CLUL1: variants seen among roughly 807,000 people sequenced by gnomAD.
The protein encoded by CLUL1 is clusterin like 1, also known as clusterin-like protein 1.
A neutral mutation model predicts 49.4 loss-of-function variants in CLUL1; 43 were observed. The ratio of observed to expected loss-of-function variants is 0.87; its 90% CI spans 0.68 to 1.12. The LOEUF is 1.12. Ranked by LOEUF, CLUL1 falls within the 50% of genes most tolerant of loss-of-function variation. The pLI is 0.00. For missense variants in CLUL1, 486 were observed against 544.4 expected (o/e 0.89, Z 1.07); for synonymous variants, 192 against 184.9 (o/e 1.04, Z -0.31).
chr18:641,028 A>T (rs1456428189), intron 7 of CLUL1, among the ~76,000 whole-genome samples: 1 of 152,152 alleles, frequency 6.6e-6, no homozygotes, highest in Non-Finnish European at 1.5e-5. Flanking sequence ...TAGGGACTTC[A>T]TCTGTTTTGG....
At chr18:637,010 G>A (rs1359532989) in intron 7 of CLUL1, among the ~76,000 whole-genome samples, 2 of 145,220 alleles carry the variant, frequency 1.4e-5, no homozygotes, top group Admixed American at 6.9e-5. Context: ...TTTTTGAGAC[G>A]GAGTCTTGCT....
intron 4 of CLUL1, among the ~76,000 whole-genome samples, chr18:624,002 G>C (rs142834731): frequency 3.1e-3 from 466 of 152,280 alleles, no homozygotes; most frequent in African/African-American, 0.011. Context: ...CATGGAGGGG[G>C]CTGGGGTTCA....
intron 8 of CLUL1, 50 bp downstream of exon 8, chr18:641,591 G>T: frequency 7.1e-7 from 1 of 1,409,218 alleles, no homozygotes; most frequent in South Asian, 1.2e-5. Context: ...TGCATACCTT[G>T]ATTTCACTGT....
At chr18:610,929 GC>G (rs2143958731) in intron 2 of CLUL1, among the ~76,000 whole-genome samples, 1 of 152,178 alleles carries the variant, frequency 6.6e-6, no homozygotes, top group Admixed American at 6.5e-5. Flanking sequence ...GGCTGCTGGA[GC>G]CAACATGGGT....
intron 9 of CLUL1, among the ~76,000 whole-genome samples, chr18:647,310 G>A (rs915988787): frequency 6.6e-6 from 1 of 152,138 alleles, no homozygotes; most frequent in Non-Finnish European, 1.5e-5. Context: ...TCCCACTGTG[G>A]GGCCTTTGAG....
At chr18:635,165 T>C (rs1397248709) in intron 7 of CLUL1, among the ~76,000 whole-genome samples, 2 of 152,160 alleles carry the variant, frequency 1.3e-5, no homozygotes, top group Non-Finnish European at 1.5e-5. Flanking sequence ...AATTCTTCTG[T>C]AAAACAGTGG....
At chr18:648,282 C>T (rs2074570712) in intron 9 of CLUL1, among the ~76,000 whole-genome samples, 1 of 152,200 alleles carries the variant, frequency 6.6e-6, no homozygotes, top group Non-Finnish European at 1.5e-5. Context: ...CTTCCAATGG[C>T]AATGGGAATT....
chr18:623,966 C>A (rs1363055722), intron 4 of CLUL1, among the ~76,000 whole-genome samples: 1 of 152,214 alleles, frequency 6.6e-6, no homozygotes, highest in Non-Finnish European at 1.5e-5. Flanking sequence ...ACTATACTCA[C>A]TTCATTCCCC....
intron 4 of CLUL1, among the ~76,000 whole-genome samples, chr18:624,092 G>T (rs910233572): frequency 6.6e-6 from 1 of 152,138 alleles, no homozygotes; most frequent in East Asian, 1.9e-4. Context: ...GTGCTGACCC[G>T]TGAGGCACTC....
intron 7 of CLUL1, among the ~76,000 whole-genome samples, chr18:637,076 T>G (rs935486102): frequency 1.3e-5 from 2 of 151,752 alleles, no homozygotes; most frequent in Non-Finnish European, 2.9e-5. Flanking sequence ...AACCTCCGCC[T>G]TCTGGGTTCA....
intron 4 of CLUL1, among the ~76,000 whole-genome samples, chr18:624,485 A>G (rs745724902): frequency 5.3e-5 from 8 of 152,184 alleles, no homozygotes; most frequent in Non-Finnish European, 1.2e-4. Flanking sequence ...CACTTTCCCC[A>G]TGCACCAGTG....
chr18:614,061 A>G (rs2143973116), intron 2 of CLUL1, among the ~76,000 whole-genome samples: 1 of 152,324 alleles, frequency 6.6e-6, no homozygotes, highest in South Asian at 2.1e-4. Flanking sequence ...GTCCAAGTGG[A>G]CAGGACCATG....
rs753466551 is a variant in CLUL1 at position 627,251 on chromosome 18, C to G, written c.578C>G (p.Ser193Cys). The G allele has an allele frequency of 1.5e-5, 24 of 1,613,894 alleles. No homozygotes were observed. In the African/African-American group the frequency reaches 1.6e-4, roughly 11 times the overall value. ...AGCCAGTTGACTGTGGATGTGAATT[C>G]TCTCTTTAACAGGAGTTTTAACGTC... Reference protein sequence around the residue: ...VFSQLTVDVNSLFNRSFNVFR... With the variant: ...VFSQLTVDVNCLFNRSFNVFR... Residue 193 changes from serine to cysteine, a missense_variant, in exon 6 of 10, where the codon TCT becomes TGT. By Grantham distance (112) the Ser-to-Cys change is moderately radical (BLOSUM62 -1). Transcript: ENST00000692774.
chr18:625,559 A>ACACACACACACC (rs1491160923), intron 5 of CLUL1, among the ~76,000 whole-genome samples: 1 of 133,092 alleles, frequency 7.5e-6, no homozygotes, highest in Non-Finnish European at 1.6e-5. Context: ...ACACACACAC[A>ACACACACACACC]CCCCTTCATG....
In CLUL1 at chr18:597,076, G is replaced by C. The variant is rs1049057868; in HGVS notation, c.-189G>C. On this transcript the variant is annotated 5_prime_UTR_variant, in exon 1 of 10. Transcript: ENST00000692774. ...CTGTGCCCTCGGCTGACTTCCAGCC[G>C]GTGGCACAGACGCCTCCAGGGGGCA... 13 of 152,748 alleles carry C rather than the reference G, an allele frequency of 8.5e-5. 1 individual carries two copies. Among genetic ancestry groups the C allele is most frequent in the Admixed American group, 8.5e-4 (13 of 15,294 alleles). 9.5% of individuals were successfully genotyped at this position (152,748 alleles called of 1,614,324 possible). A position where few individuals can be genotyped will look rare whatever the true frequency, so the allele number is the denominator to read the frequency against.
At chr18:633,758 G>A (rs1040150122) in intron 7 of CLUL1, among the ~76,000 whole-genome samples, 11 of 151,948 alleles carry the variant, frequency 7.2e-5, no homozygotes, top group African/African-American at 2.4e-4. Context: ...GACGAGGTGA[G>A]TGGTCTGGAG....
At chr18:638,128 TA>T (rs1001314944) in intron 7 of CLUL1, among the ~76,000 whole-genome samples, 3 of 152,246 alleles carry the variant, frequency 2.0e-5, no homozygotes, top group Admixed American at 6.5e-5. Context: ...GAAGTTTAAA[TA>T]AAATGTCTGA....
At chr18:639,258 C>T (rs562418978) in intron 7 of CLUL1, among the ~76,000 whole-genome samples, 4 of 150,836 alleles carry the variant, frequency 2.7e-5, no homozygotes, top group African/African-American at 9.7e-5. Flanking sequence ...AACCCCATCT[C>T]TATTAAAAAT....
intron 2 of CLUL1, among the ~76,000 whole-genome samples, chr18:609,464 A>G (rs991472292): frequency 1.3e-5 from 2 of 152,100 alleles, no homozygotes; most frequent in African/African-American, 4.8e-5. Flanking sequence ...ATGTGCCTGC[A>G]TTTTGACTGT....
Sources: allele counts gnomAD v4.1 joint callset (sites outside exome capture counted in the v4.1 genomes callset), GRCh38; gene constraint gnomAD v4.1.1; transcripts MANE v1.5; gene names NCBI Gene and HGNC (gene_info 2026-07-23, HGNC 2026-07-21).